The following DACH2 variants were observed in gnomAD, a reference collection of about 807,000 sequenced individuals.
DACH2 encodes dachshund homolog 2.
Under a neutral mutation model 35.8 loss-of-function variants are expected in DACH2, and 17 were observed. The observed-to-expected ratio is 0.48, with a 90% CI of 0.33 to 0.71. DACH2 has a LOEUF of 0.71. Among genes scored for constraint, DACH2 ranks in the 30% least tolerant of loss-of-function variants. DACH2 has a pLI of 0.02. For missense variants in DACH2, 469 were observed against 472.7 expected, an observed-to-expected ratio of 0.99 and a Z score of 0.07; for synonymous variants, 195 against 177.3, an observed-to-expected ratio of 1.10 and a Z score of -0.79.
intron 2 of DACH2, among the ~76,000 whole-genome samples, chrX:86,505,824 T>G (rs1160581485): frequency 8.9e-6 from 1 of 112,069 alleles, no homozygotes. Flanking sequence ...GATTAGAAAG[T>G]GAAAATACGA....
chrX:86,435,463 A>T (rs1291465997), intron 2 of DACH2, among the ~76,000 whole-genome samples: 2 of 112,132 alleles, frequency 1.8e-5, no homozygotes, highest in Non-Finnish European at 3.8e-5. Context: ...AAATCACATA[A>T]TAAAATATTA....
At chrX:86,294,796 G>T (rs1249236638) in intron 1 of DACH2, among the ~76,000 whole-genome samples, 2 of 108,644 alleles carry the variant, frequency 1.8e-5, no homozygotes, top group African/African-American at 3.4e-5. Flanking sequence ...CTCCAGCTGC[G>T]TGCTGGGAGA....
chrX:86,164,285 TG>T (rs1157411291), intron 1 of DACH2, among the ~76,000 whole-genome samples: 2 of 111,477 alleles, frequency 1.8e-5, no homozygotes. Context: ...TGGAGTGGTT[TG>T]TTTTTTTCTT....
At chrX:86,628,197 G>T (rs1053520249) in intron 3 of DACH2, among the ~76,000 whole-genome samples, 2 of 112,228 alleles carry the variant, frequency 1.8e-5, no homozygotes, top group African/African-American at 6.5e-5. Context: ...CTAGTTTATG[G>T]TAGTAAGCAC....
intron 1 of DACH2, among the ~76,000 whole-genome samples, chrX:86,242,861 C>T (rs1487772990): frequency 4.5e-5 from 5 of 111,582 alleles, no homozygotes; most frequent in Non-Finnish European, 5.6e-5. Context: ...CTTTCTCCTG[C>T]TCCATTTTGG....
intron 1 of DACH2, among the ~76,000 whole-genome samples, chrX:86,202,208 C>G (rs1348550378): frequency 1.1e-4 from 12 of 111,078 alleles, no homozygotes; most frequent in African/African-American, 3.9e-4. Flanking sequence ...TCTGGAAGAG[C>G]ATATACTTTA....
Position 86,214,296 on chromosome X carries a change from G to C in DACH2, c.488+65188G>C, listed in dbSNP as rs144548920. 1.5e-4 allele frequency among the ~76,000 whole-genome samples: 17 copies of C among 111,906 alleles called. No homozygotes were observed. In the East Asian group the frequency reaches 4.2e-3, roughly 28 times the overall value. ...TTTAGTTGCCCTTAGTAACAAATTTGAACACTTGAGCCAAGCATTCAGCCT... is the reference window on the plus strand; with the variant it reads ...TTTAGTTGCCCTTAGTAACAAATTTCAACACTTGAGCCAAGCATTCAGCCT... On this transcript the variant is annotated intron_variant, in intron 1 of 11. Coordinates refer to ENST00000373125, the MANE Select transcript of DACH2 (RefSeq NM_053281.3).
chrX:86,451,675 C>A (rs1357682571), intron 2 of DACH2, among the ~76,000 whole-genome samples: 1 of 111,380 alleles, frequency 9.0e-6, no homozygotes, highest in East Asian at 2.8e-4. Flanking sequence ...AATATTGATT[C>A]TTCCTATCAA....
intron 3 of DACH2, among the ~76,000 whole-genome samples, chrX:86,574,102 G>A (rs760106707): frequency 9.0e-6 from 1 of 111,158 alleles, no homozygotes; most frequent in African/African-American, 3.3e-5. Flanking sequence ...ATTCAGTCAG[G>A]GCATAATCTT....
At chrX:86,414,054 TC>T (rs1293007366) in intron 2 of DACH2, among the ~76,000 whole-genome samples, 1 of 111,366 alleles carries the variant, frequency 9.0e-6, no homozygotes, top group African/African-American at 3.3e-5. Context: ...TGAGAAAGGT[TC>T]ACTGCAAAAA....
intron 3 of DACH2, among the ~76,000 whole-genome samples, chrX:86,568,969 C>G (rs1276090239): frequency 9.0e-6 from 1 of 111,628 alleles, no homozygotes; most frequent in Non-Finnish European, 1.9e-5. Flanking sequence ...TATCTCCTCT[C>G]TTCTGTACAG....
intron 7 of DACH2, among the ~76,000 whole-genome samples, chrX:86,746,576 C>G (rs2041714655): frequency 9.0e-6 from 1 of 111,326 alleles, no homozygotes; most frequent in South Asian, 3.7e-4. Flanking sequence ...TATTTAAGTC[C>G]TTTGTCAATT....
chrX:86,650,517 G>T (rs963207859), intron 3 of DACH2, among the ~76,000 whole-genome samples: 1 of 111,089 alleles, frequency 9.0e-6, no homozygotes, highest in Non-Finnish European at 1.9e-5. Flanking sequence ...GTTTCATTTA[G>T]AATTTCAGAG....
At chrX:86,517,239 A>G (rs774306734) in intron 3 of DACH2, among the ~76,000 whole-genome samples, 5 of 111,256 alleles carry the variant, frequency 4.5e-5, no homozygotes, top group Non-Finnish European at 9.4e-5. Context: ...AGTAATAGCC[A>G]TTCTGATTGG....
chrX:86,817,998 T>C (rs1332599058), intron 11 of DACH2, among the ~76,000 whole-genome samples: 3 of 112,199 alleles, frequency 2.7e-5, no homozygotes, highest in Non-Finnish European at 5.7e-5. Context: ...AAGAAATTGG[T>C]TTGTATTTTT....
intron 2 of DACH2, among the ~76,000 whole-genome samples, chrX:86,392,639 A>G (rs779272265): frequency 2.7e-5 from 3 of 111,712 alleles, no homozygotes; most frequent in Admixed American, 9.5e-5. Flanking sequence ...TAATTATGGC[A>G]TATGATGGGA....
chrX:86,440,365 C>T (rs1280347886), intron 2 of DACH2, among the ~76,000 whole-genome samples: 2 of 111,175 alleles, frequency 1.8e-5, no homozygotes, highest in South Asian at 3.7e-4. Flanking sequence ...TTTGTAATGG[C>T]CCCCTTTATT....
intron 1 of DACH2, among the ~76,000 whole-genome samples, chrX:86,196,692 C>CAAAAAAAAAAA (rs56268300): frequency 3.7e-5 from 1 of 27,370 alleles, no homozygotes; most frequent in Non-Finnish European, 5.5e-5. Flanking sequence ...GACTCCATCT[C>CAAAAAAAAAAA]AAAAAAAAAA....
In DACH2 at chrX:86,699,690, ATTTAT is replaced by A. The variant is rs201507579; in HGVS notation, c.931+4519_931+4523del. ...TATGATAGGCCAAAAAACATGTACA[ATTTAT>A]TTTATTTCAGTTCAGCTCAGATTTT... is the stretch of plus-strand genomic sequence containing the variant. On this transcript the variant is annotated intron_variant, in intron 5 of 11. Transcript: ENST00000373125. 9.6e-3 allele frequency among the ~76,000 whole-genome samples: 1,065 copies of A among 111,328 alleles called. 8 individuals carry two copies. The highest frequency in any genetic ancestry group is 0.033 in the African/African-American group (997 of 30,665).
Sources: allele counts gnomAD v4.1 joint callset (sites outside exome capture counted in the v4.1 genomes callset), GRCh38; gene constraint gnomAD v4.1.1; transcripts MANE v1.5; gene names NCBI Gene and HGNC (gene_info 2026-07-23, HGNC 2026-07-21).